The following GTF2A2 variants were observed in gnomAD, a reference collection of about 807,000 sequenced individuals.
The protein encoded by GTF2A2 is transcription initiation factor IIA subunit 2.
Under a neutral mutation model 14.3 loss-of-function variants are expected in GTF2A2, and 9 were observed. The observed-to-expected ratio is 0.63, with a 90% confidence interval of 0.38 to 1.10. GTF2A2 has a LOEUF of 1.10. GTF2A2 is among the 50% of genes least tolerant of loss of function. The pLI, the probability that GTF2A2 is intolerant of heterozygous loss-of-function variation, is 0.01. For synonymous variants in GTF2A2, 56 were observed against 46.0 expected, an observed-to-expected ratio of 1.22 and a Z score of -0.88; for missense variants, 90 against 124.6, an observed-to-expected ratio of 0.72 and a Z score of 1.32.
intron 3 of GTF2A2, among the ~76,000 whole-genome samples, chr15:59,648,603 A>G (rs752392875): frequency 3.3e-5 from 5 of 151,980 alleles, no homozygotes; most frequent in Non-Finnish European, 7.4e-5. Context: ...ACACTCTACT[A>G]AATAATTTCA....
At chr15:59,645,381 G>C (rs1430916543) in intron 3 of GTF2A2, among the ~76,000 whole-genome samples, 1 of 152,102 alleles carries the variant, frequency 6.6e-6, no homozygotes, top group Non-Finnish European at 1.5e-5. Flanking sequence ...GATAAGCAGA[G>C]ACAGAACTAC....
At chr15:59,644,895 T>A (rs376287118) in intron 3 of GTF2A2, among the ~76,000 whole-genome samples, 16 of 152,180 alleles carry the variant, frequency 1.1e-4, no homozygotes, top group African/African-American at 3.9e-4. Context: ...AAGAGTCTGA[T>A]CAGATTTGCA....
At position 59,642,254 on chromosome 15, in the gene GTF2A2, T is replaced by C. The variant is rs1595667504; in HGVS notation, c.186A>G (p.Leu62=). The C allele has an allele frequency of 6.2e-7, 1 of 1,600,852 alleles. No homozygotes were observed. Reference sequence around the variant, plus strand: ...CATTATCGCAGAATCTGTACGTATTTAGAGAGCCCTTTAAAACAAAACATT... The same window carrying C: ...CATTATCGCAGAATCTGTACGTATTCAGAGAGCCCTTTAAAACAAAACATT... The part of the protein sequence containing the change: ...VRNRVNFRGS[L]NTYRFCDNVW... Residue 62 remains leucine, a synonymous_variant, in exon 4 of 5, where the codon CTA becomes CTG. Coordinates refer to ENST00000396060, the MANE Select transcript of GTF2A2 (RefSeq NM_004492.3).
rs765482793 is a variant in GTF2A2 at position 59,642,196 on chromosome 15, T to C, written c.244A>G (p.Arg82Gly). 6.2e-7 allele frequency: 1 copy of C among 1,610,666 alleles called. No homozygotes were observed. The highest frequency in any genetic ancestry group is 8.5e-7 in the Non-Finnish European group (1 of 1,177,886). The change falls in exon 4 of 5, where the codon AGA becomes GGA. Residue 82 changes from arginine to glycine, a missense_variant. By Grantham distance (125) the Arg-to-Gly change is moderately radical. Transcript: ENST00000396060. ...ACTTTAATAAGTTCTGTCACCTCTC[T>C]GAATTCAACATCATTCAGTACAAAA... is the stretch of plus-strand genomic sequence containing the variant. ...WTFVLNDVEF[R>G]EVTELIKVDK...
intron 3 of GTF2A2, among the ~76,000 whole-genome samples, chr15:59,645,002 G>A (rs1035046904): frequency 2.6e-5 from 4 of 152,182 alleles, no homozygotes; most frequent in Admixed American, 6.5e-5. Flanking sequence ...AATCAGAGAG[G>A]TGAAAGTGGC....
rs1388659449 is a variant in GTF2A2, at chr15:59,653,565, T to C, written c.-49-1239A>G. ...TCCTCAGCTCCCTGACTTGTAACTG[T>C]TGAACTGCCCTAAGTTTTCTTGGGT... On this transcript the variant is annotated intron_variant, in intron 1 of 4. Transcript: ENST00000396060. Among the ~76,000 whole-genome samples, 3 of 152,064 alleles carry C rather than the reference T, an allele frequency of 2.0e-5. No individual in the cohort carries two copies. The East Asian group carries it at 5.8e-4, about 29-fold the overall frequency.
intron 3 of GTF2A2, among the ~76,000 whole-genome samples, chr15:59,650,315 A>T (rs1891753516): frequency 6.6e-6 from 1 of 152,212 alleles, no homozygotes; most frequent in African/African-American, 2.4e-5. Context: ...CCAGACTTTG[A>T]AAACCATAAC....
At position 59,652,262 on chromosome 15, in the gene GTF2A2, A is replaced by G; in HGVS notation, c.16T>C (p.Tyr6His). The G allele has an allele frequency of 1.3e-6, 2 of 1,596,082 alleles. No individual in the cohort carries two copies. The highest frequency in any genetic ancestry group is 1.7e-6 in the Non-Finnish European group (2 of 1,164,780). The stretch of plus-strand genomic sequence containing the variant: ...CTGTTTCCCAAAGTAGTATTTCTGT[A>G]TAACTGATATGCCATGGCTTAGGAG... The part of the protein sequence containing the change: MAYQL[Y>H]RNTTLGNSLQ... Residue 6 changes from tyrosine (Y) to histidine (H), a missense_variant, in exon 2 of 5, where the codon TAC becomes CAC. By Grantham distance (83) the Tyr-to-His change is moderately conservative (BLOSUM62 2). Transcript: ENST00000396060.
intron 1 of GTF2A2, among the ~76,000 whole-genome samples, chr15:59,656,082 A>T (rs1040129444): frequency 3.3e-5 from 5 of 152,204 alleles, no homozygotes; most frequent in Admixed American, 3.3e-4. Context: ...CCTCTCCTCT[A>T]TTCAAAATCT....
intron 3 of GTF2A2, among the ~76,000 whole-genome samples, chr15:59,648,557 C>T (rs1891688126): frequency 6.6e-6 from 1 of 151,874 alleles, no homozygotes; most frequent in Non-Finnish European, 1.5e-5. Flanking sequence ...ATGATTAAAA[C>T]CTTAGCTCTC....
In GTF2A2 at chr15:59,647,010, T is replaced by C. The variant is rs1000583614; in HGVS notation, c.177+3659A>G. Among the ~76,000 whole-genome samples, 3 of 150,578 alleles carry C rather than the reference T, an allele frequency of 2.0e-5. No homozygotes were observed. The South Asian group carries it at 6.2e-4, about 31-fold the overall frequency. ...TATATATGTATATACTATATATACATATACTCTATAATTATATAATTACAA... is the reference window on the plus strand; with the variant it reads ...TATATATGTATATACTATATATACACATACTCTATAATTATATAATTACAA... On this transcript the variant is annotated intron_variant, in intron 3 of 4. Coordinates refer to ENST00000396060, the MANE Select transcript of GTF2A2 (RefSeq NM_004492.3).
intron 2 of GTF2A2, 144 bp from the exon 3 acceptor site, chr15:59,650,917 C>T: frequency 1.8e-6 from 1 of 571,404 alleles, no homozygotes; most frequent in Non-Finnish European, 3.1e-6. Context: ...TTTGCCATAA[C>T]TGATGATGAA....
intron 3 of GTF2A2, among the ~76,000 whole-genome samples, chr15:59,645,388 C>G (rs1415459534): frequency 6.6e-6 from 1 of 152,092 alleles, no homozygotes. Flanking sequence ...AGAGACAGAA[C>G]TACAGAGGAG....
chr15:59,642,408 T>A, intron 3 of GTF2A2, 146 bp from the exon 4 acceptor site: 2 of 611,724 alleles, frequency 3.3e-6, no homozygotes, highest in Non-Finnish European at 5.0e-6. Context: ...TCCTAGCTAT[T>A]AAAAAAACAA....
intron 4 of GTF2A2, among the ~76,000 whole-genome samples, 175 bp downstream of exon 4, chr15:59,641,961 G>A (rs953842325): frequency 6.6e-6 from 1 of 152,148 alleles, no homozygotes; most frequent in African/African-American, 2.4e-5. Flanking sequence ...CACAAAGTAA[G>A]AGCACTGTTT....
chr15:59,639,063 C>A lies in GTF2A2; in HGVS notation c.*69G>T, dbSNP rs1891287898. 1 of 891,734 alleles carries A rather than the reference C, an allele frequency of 1.1e-6. No homozygotes were observed. Among genetic ancestry groups the A allele is most frequent in the South Asian group, 1.3e-5 (1 of 74,342 alleles). The allele number at this position is 891,734 out of a possible 1,614,324, so 55.2% of individuals were successfully genotyped here. A position where few individuals can be genotyped will look rare whatever the true frequency, so the allele number is the denominator to read the frequency against. On this transcript the variant is annotated 3_prime_UTR_variant, in exon 5 of 5. Coordinates refer to ENST00000396060, the MANE Select transcript of GTF2A2 (RefSeq NM_004492.3). Reference sequence around the variant, plus strand: ...TGCAATTCTAGAATAAATAAAAAGTCTCTTCTATGCTTCTCTTCAAAAGCA... The same window carrying A: ...TGCAATTCTAGAATAAATAAAAAGTATCTTCTATGCTTCTCTTCAAAAGCA...
At position 59,654,122 on chromosome 15, in the gene GTF2A2, G is replaced by T. The variant is rs879917161; in HGVS notation, c.-49-1796C>A. On this transcript the variant is annotated intron_variant, in intron 1 of 4. Coordinates refer to ENST00000396060, the MANE Select transcript of GTF2A2 (RefSeq NM_004492.3). ...GCCACACTAAGACTTTAAAACATAA[G>T]GCAAATCACATCACTGGTCTATTCA... Among the ~76,000 whole-genome samples the T allele has an allele frequency of 2.6e-5, 4 of 152,082 alleles. No individual in the cohort carries two copies. In the South Asian group the frequency reaches 8.3e-4, roughly 32 times the overall value.
intron 4 of GTF2A2, among the ~76,000 whole-genome samples, chr15:59,639,917 A>C (rs1296280241): frequency 6.6e-6 from 1 of 151,906 alleles, no homozygotes; most frequent in Non-Finnish European, 1.5e-5. Flanking sequence ...TGCCTGGCTA[A>C]TTTTTGTATT....
In GTF2A2 at chr15:59,639,129, T is replaced by C. The variant is rs191135679; in HGVS notation, c.*3A>G. 280 of 1,435,284 alleles carry C rather than the reference T, an allele frequency of 2.0e-4. No homozygotes were observed. The African/African-American group carries it at 3.5e-3, about 18-fold the overall frequency. The allele number at this position is 1,435,284 out of a possible 1,614,324, so 88.9% of individuals were successfully genotyped here. A position where few individuals can be genotyped will look rare whatever the true frequency, so the allele number is the denominator to read the frequency against. On this transcript the variant is annotated 3_prime_UTR_variant, in exon 5 of 5. Coordinates refer to ENST00000396060, the MANE Select transcript of GTF2A2 (RefSeq NM_004492.3). ...TGGTGTAAAAAAGTCATATTTTTTC[T>C]ATTCATTCTGTAGTATTGGAGCCAG...
Sources: gnomAD v4.1 joint callset for allele counts (sites outside exome capture counted in the v4.1 genomes callset) on GRCh38, gnomAD v4.1.1 for gene constraint, MANE v1.5 for transcripts, NCBI Gene and HGNC (gene_info 2026-07-23, HGNC 2026-07-21) for gene names.